TXNL1: variants seen among roughly 807,000 people sequenced by gnomAD.
The protein encoded by TXNL1 is thioredoxin-like protein 1.
In TXNL1, 14 loss-of-function variants were observed where a neutral mutation model predicts 35.5. The observed-to-expected ratio is 0.39, with a 90% CI of 0.26 to 0.62. The LOEUF (loss-of-function observed/expected upper bound fraction) is 0.62, where lower values mean the gene tolerates loss of function less well. Ranked by LOEUF, TXNL1 falls within the 20% of genes least tolerant of loss-of-function variation. TXNL1 has a pLI of 0.47. For synonymous variants in TXNL1, 110 were observed against 115.5 expected, an observed-to-expected ratio of 0.95 and a Z score of 0.31; for missense variants, 263 against 349.7, an observed-to-expected ratio of 0.75 and a Z score of 1.98.
intron 1 of TXNL1, among the ~76,000 whole-genome samples, chr18:56,630,288 G>A (rs2024350823): frequency 6.6e-6 from 1 of 152,150 alleles, no homozygotes; most frequent in Non-Finnish European, 1.5e-5. Context: ...GCGACCTTGG[G>A]GAATATTTGA....
At chr18:56,626,282 G>C in intron 2 of TXNL1, 79 bp downstream of exon 2, 2 of 1,542,622 alleles carry the variant, frequency 1.3e-6, no homozygotes, top group Non-Finnish European at 1.7e-6. Context: ...TGCATCAAGA[G>C]ATAAATGAAG....
At chr18:56,626,795 G>GTTTTTTTTTTTTTTTTTT (rs1221334957) in intron 1 of TXNL1, among the ~76,000 whole-genome samples, 1 of 29,050 alleles carries the variant, frequency 3.4e-5, no homozygotes, top group Non-Finnish European at 1.1e-4. Flanking sequence ...CACCAAGCCG[G>GTTTTTTTTTTTTTTTTTT]TCTTTTTTTT....
At chr18:56,629,739 T>C (rs2024341619) in intron 1 of TXNL1, among the ~76,000 whole-genome samples, 1 of 152,156 alleles carries the variant, frequency 6.6e-6, no homozygotes, top group Non-Finnish European at 1.5e-5. Flanking sequence ...TTTACACAGG[T>C]GTCACAAATT....
rs2023790300 is a variant in TXNL1, at chr18:56,599,901, C to CT, written c.*3125dup. The CT allele has an allele frequency of 6.6e-6, 1 of 152,056 alleles. No individual in the cohort carries two copies. The highest frequency in any genetic ancestry group is 2.4e-5 in the African/African-American group (1 of 41,400). 9.4% of individuals were successfully genotyped at this position (152,056 alleles called of 1,614,324 possible). On this transcript the variant is annotated 3_prime_UTR_variant, in exon 8 of 8. Transcript: ENST00000217515. The stretch of plus-strand genomic sequence containing the variant: ...TTACTTATCTTAAAAAAAAAATAGT[C>CT]TAAGATTACAAATTATCAGTTCCAG...
intron 1 of TXNL1, among the ~76,000 whole-genome samples, chr18:56,632,391 C>G (rs1243921784): frequency 1.3e-5 from 2 of 152,118 alleles, no homozygotes; most frequent in Non-Finnish European, 2.9e-5. Flanking sequence ...TTATTAATTA[C>G]ATAAAACAGC....
chr18:56,611,980 G>A (rs1056536687), intron 6 of TXNL1, among the ~76,000 whole-genome samples: 1 of 150,646 alleles, frequency 6.6e-6, no homozygotes, highest in African/African-American at 2.4e-5. Context: ...TCCTGAGGAG[G>A]GGGGACTACA....
chr18:56,615,927 C>A (rs1357171576), intron 5 of TXNL1, among the ~76,000 whole-genome samples: 2 of 151,878 alleles, frequency 1.3e-5, no homozygotes, highest in Non-Finnish European at 2.9e-5. Context: ...GTCAGGAGTT[C>A]AAGAACAGCC....
chr18:56,619,842 T>TC (rs2024152787), intron 3 of TXNL1, among the ~76,000 whole-genome samples: 1 of 152,226 alleles, frequency 6.6e-6, no homozygotes, highest in Non-Finnish European at 1.5e-5. Flanking sequence ...TTAAATTTTG[T>TC]CAAATGCCTT....
At chr18:56,626,672 T>A (rs889382774) in intron 1 of TXNL1, among the ~76,000 whole-genome samples, 2 of 151,324 alleles carry the variant, frequency 1.3e-5, no homozygotes, top group Admixed American at 1.3e-4. Context: ...AATTTTTGTA[T>A]TTTTAGTAGA....
chr18:56,611,048 T>C lies in TXNL1; in HGVS notation c.785A>G (p.Tyr262Cys). The C allele has an allele frequency of 1.2e-6, 2 of 1,608,662 alleles. No individual in the cohort carries two copies. Among genetic ancestry groups the C allele is most frequent in the African/African-American group, 1.3e-5 (1 of 74,708 alleles). The change falls in exon 7 of 8, where the codon TAT becomes TGT. Residue 262 changes from tyrosine (Y) to cysteine (C), a missense_variant. Coordinates refer to ENST00000217515, the MANE Select transcript of TXNL1 (RefSeq NM_004786.3). ...GACTGGAGTACCAATAAAAGTAAAA[T>C]ATGAAATTCTTGTTGTTTCCTCTTC... ...QGEEETTRIS[Y>C]FTFIGTPVQA...
chr18:56,602,994 A>G lies in TXNL1; in HGVS notation c.*33T>C. ...CAATTATCCAGGAGCTGTAGATCTG[A>G]TTGCAATATGGTTGTCCAGTGTCTT... On this transcript the variant is annotated 3_prime_UTR_variant, in exon 8 of 8. Transcript: ENST00000217515. 1 of 1,612,298 alleles carries G rather than the reference A, an allele frequency of 6.2e-7. No homozygotes were observed.
intron 2 of TXNL1, among the ~76,000 whole-genome samples, chr18:56,625,936 T>C (rs1422205478): frequency 6.6e-6 from 1 of 152,214 alleles, no homozygotes; most frequent in Non-Finnish European, 1.5e-5. Flanking sequence ...ATAATCACCA[T>C]TTTAAAGTTT....
At position 56,638,422 on chromosome 18, in the gene TXNL1, C is replaced by A. The variant is rs779953668; in HGVS notation, c.19G>T (p.Val7Phe). Residue 7 changes from valine (V) to phenylalanine (F), a missense_variant, in exon 1 of 8, where the codon GTC becomes TTC. Coordinates refer to ENST00000217515, the MANE Select transcript of TXNL1 (RefSeq NM_004786.3). ...GGCTGGAAATCCGGGTCGCTCCCGA[C>A]GGGCTTCACCCCCACCATCCTCACA... Reference protein sequence around the residue: MVGVKPVGSDPDFQPEL... With the variant: MVGVKPFGSDPDFQPEL... The A allele has an allele frequency of 3.7e-6, 6 of 1,613,290 alleles. No homozygotes were observed. Among genetic ancestry groups the A allele is most frequent in the Non-Finnish European group, 5.1e-6 (6 of 1,179,616 alleles).
At chr18:56,627,354 TG>T (rs2024302341) in intron 1 of TXNL1, among the ~76,000 whole-genome samples, 1 of 152,206 alleles carries the variant, frequency 6.6e-6, no homozygotes, top group African/African-American at 2.4e-5. Context: ...TTACAACTGA[TG>T]TAAGATCTCA....
intron 1 of TXNL1, among the ~76,000 whole-genome samples, chr18:56,637,487 C>T (rs2024474321): frequency 6.6e-6 from 1 of 152,224 alleles, no homozygotes; most frequent in Middle Eastern, 3.2e-3. Context: ...TCTTGGTTCT[C>T]AACGCCGAGT....
At chr18:56,618,151 G>A in intron 3 of TXNL1, 25 bp from the exon 4 acceptor site, 2 of 1,606,826 alleles carry the variant, frequency 1.2e-6, no homozygotes, top group Non-Finnish European at 1.7e-6. Flanking sequence ...CAAGATTTTA[G>A]GCAACATATT....
Position 56,634,645 on chromosome 18 carries a change from C to T in TXNL1, c.98+3698G>A, listed in dbSNP as rs144177724. Among the ~76,000 whole-genome samples, 234 of 152,280 alleles carry T rather than the reference C, an allele frequency of 1.5e-3. 1 individual carries two copies. Among genetic ancestry groups the T allele is most frequent in the African/African-American group, 5.6e-3 (231 of 41,542 alleles). On this transcript the variant is annotated intron_variant, in intron 1 of 7. Transcript: ENST00000217515. ...AATGAACTGGACCCTAACTTTATGA[C>T]ATATACCAAAATTAACTCAAAATGG...
At chr18:56,630,441 C>T (rs991777329) in intron 1 of TXNL1, among the ~76,000 whole-genome samples, 18 of 152,146 alleles carry the variant, frequency 1.2e-4, no homozygotes, top group African/African-American at 3.9e-4. Context: ...GGGGAACAAA[C>T]GCTAGGTGTA....
chr18:56,621,977 C>T (rs550689633), intron 3 of TXNL1, among the ~76,000 whole-genome samples: 58 of 143,044 alleles, frequency 4.1e-4, no homozygotes, highest in Non-Finnish European at 6.4e-4. Context: ...TGCCACTTCA[C>T]GCCAGCCTAG....
Sources: gnomAD v4.1 joint callset for allele counts (sites outside exome capture counted in the v4.1 genomes callset) on GRCh38, gnomAD v4.1.1 for gene constraint, MANE v1.5 for transcripts, NCBI Gene and HGNC (gene_info 2026-07-23, HGNC 2026-07-21) for gene names.